TATDN2: variants seen among roughly 807,000 people sequenced by gnomAD.
The protein encoded by TATDN2 is 3'-5' RNA nuclease TATDN2.
In TATDN2, 44 loss-of-function variants were observed where a neutral mutation model predicts 60.3. The observed-to-expected ratio is 0.73, with a 90% CI of 0.57 to 0.94. The LOEUF (loss-of-function observed/expected upper bound fraction) is 0.94. Ranked by LOEUF, TATDN2 falls within the 40% of genes least tolerant of loss-of-function variation. The pLI is 0.00. For synonymous variants in TATDN2, 399 were observed against 355.8 expected (o/e 1.12, Z -1.37); for missense variants, 997 against 948.0 (o/e 1.05, Z -0.68).
intron 3 of TATDN2, among the ~76,000 whole-genome samples, chr3:10,263,628 C>T (rs1022312747): frequency 2.0e-5 from 3 of 152,052 alleles, no homozygotes; most frequent in African/African-American, 7.2e-5. Flanking sequence ...TTAATAACAT[C>T]TCTGTTCTTG....
Position 10,278,531 on chromosome 3 carries a change from C to A in TATDN2, c.2145+69C>A, listed in dbSNP as rs1046178028. The stretch of plus-strand genomic sequence containing the variant: ...GTGGGGAGGTGGGTGGTCACCCTTA[C>A]AAGGTTGGCAGGGCCAGAGCCCCAG... On this transcript the variant is annotated intron_variant, in intron 6 of 7. Transcript: ENST00000448281. The surrounding 1 kb of genome is among the most constrained non-coding windows in gnomAD (Gnocchi z 4.7). 1 of 1,592,166 alleles carries A rather than the reference C, an allele frequency of 6.3e-7. No individual in the cohort carries two copies. The highest frequency in any genetic ancestry group is 1.1e-5 in the South Asian group (1 of 89,638).
rs1698714067 is a variant in TATDN2, at chr3:10,280,294, C to T, written c.*1112C>T. On this transcript the variant is annotated 3_prime_UTR_variant, in exon 8 of 8. Coordinates refer to ENST00000448281, the MANE Select transcript of TATDN2 (RefSeq NM_014760.4). ...TGGCTTTGCCTCTCCTGTGTCCTGT[C>T]TTTCTGCGTTTTAGAAGTGAGAGCC... The T allele has an allele frequency of 6.5e-6, 1 of 153,868 alleles. No homozygotes were observed. The highest frequency in any genetic ancestry group is 1.5e-5 in the Non-Finnish European group (1 of 68,116). 9.5% of individuals were successfully genotyped at this position (153,868 alleles called of 1,614,324 possible). A position where few individuals can be genotyped will look rare whatever the true frequency, so the allele number is the denominator to read the frequency against.
In TATDN2 at chr3:10,249,511, G is replaced by T; in HGVS notation, c.311G>T (p.Arg104Leu). The part of the protein sequence containing the change: ...GGAASKGCLI[R>L]NTRGFLSSGG... ...GCCGCCTCCAAAGGCTGCCTGATTC[G>T]GAACACTCGGGGGTTCCTGTCTTCA... The change falls in exon 2 of 8, where the codon CGG (arginine) becomes CTG (leucine). Residue 104 changes from arginine to leucine, a missense_variant. By Grantham distance (102) the Arg-to-Leu change is moderately radical (BLOSUM62 -2). Coordinates refer to ENST00000448281, the MANE Select transcript of TATDN2 (RefSeq NM_014760.4). 6.2e-7 allele frequency: 1 copy of T among 1,609,218 alleles called. No homozygotes were observed. Among genetic ancestry groups the T allele is most frequent in the East Asian group, 2.2e-5 (1 of 44,854 alleles).
intron 3 of TATDN2, among the ~76,000 whole-genome samples, chr3:10,261,223 G>A (rs987497463): frequency 1.3e-5 from 2 of 152,224 alleles, no homozygotes; most frequent in African/African-American, 4.8e-5. Context: ...ACACCTGGCT[G>A]CAAGGGAGTC....
Position 10,271,004 on chromosome 3 carries a change from GA to G in TATDN2, c.1824del (p.Glu608AspfsTer16), listed in dbSNP as rs1254352228. On this transcript the variant is annotated frameshift_variant, in exon 4 of 8. Transcript: ENST00000448281. LOFTEE classifies it high-confidence loss of function. ...YSYKCTTPVP[E>X]QHKVFERQLQ... is the part of the protein sequence containing the mutation. ...TTACAAGTGCACCACGCCTGTCCCA[GA>G]ACAGCACAAGGTAACAAGGCTCTCT... 6.3e-7 allele frequency: 1 copy of G among 1,577,958 alleles called. No homozygotes were observed. Among genetic ancestry groups the G allele is most frequent in the East Asian group, 2.2e-5 (1 of 44,606 alleles).
At chr3:10,274,351 T>C (rs1316922119) in intron 4 of TATDN2, among the ~76,000 whole-genome samples, 1 of 152,148 alleles carries the variant, frequency 6.6e-6, no homozygotes, top group Non-Finnish European at 1.5e-5. Flanking sequence ...TTGTCTTCCA[T>C]GCACCTGTCG....
chr3:10,276,166 AGGTTATGATAGACGTGCAGTGCTTTGGGC>A (rs1698634072), intron 4 of TATDN2, among the ~76,000 whole-genome samples, 166 bp from the exon 5 acceptor site: 1 of 152,254 alleles, frequency 6.6e-6, no homozygotes, highest in Non-Finnish European at 1.5e-5. Context: ...TGAGGACTGC[AGGTTATGATAGACGTGCAGTGCTTTGGGC>A]ACTACCTGGC....
rs1409296890 is a variant in TATDN2 at position 10,248,752 on chromosome 3, G to C, written c.-322G>C. On this transcript the variant is annotated 5_prime_UTR_variant, in exon 1 of 8. Transcript: ENST00000448281. ...GGTCTGGCCCTGGCCTACGGGCTAAGCGCCCGGCCCCGGGGCCGCGGATCC... is the reference window on the plus strand; with the variant it reads ...GGTCTGGCCCTGGCCTACGGGCTAACCGCCCGGCCCCGGGGCCGCGGATCC... 6.5e-6 allele frequency: 1 copy of C among 152,678 alleles called. No individual in the cohort carries two copies. Among genetic ancestry groups the C allele is most frequent in the Non-Finnish European group, 1.5e-5 (1 of 68,428 alleles). The allele number at this position is 152,678 out of a possible 1,614,324, so 9.5% of individuals were successfully genotyped here.
chr3:10,270,461 G>A lies in TATDN2; in HGVS notation c.1279G>A (p.Val427Ile). The change falls in exon 4 of 8, where the codon GTC becomes ATC. Residue 427 changes from valine (V) to isoleucine (I), a missense_variant. Coordinates refer to ENST00000448281, the MANE Select transcript of TATDN2 (RefSeq NM_014760.4). ...TTATTCCCCCAACTCTACAGGGAGT[G>A]TCCAAAACACCTCCAGAGACATGGA... ...SDYSPNSTGS[V>I]QNTSRDMEAS... 3 of 1,614,206 alleles carry A rather than the reference G, an allele frequency of 1.9e-6. No homozygotes were observed. Among genetic ancestry groups the A allele is most frequent in the Non-Finnish European group, 2.5e-6 (3 of 1,180,042 alleles).
At chr3:10,276,664 C>T (rs535215715) in intron 5 of TATDN2, among the ~76,000 whole-genome samples, 176 bp downstream of exon 5, 1 of 152,144 alleles carries the variant, frequency 6.6e-6, no homozygotes, top group East Asian at 1.9e-4. Context: ...TTTCAGCTCA[C>T]TGCAACCTCT....
intron 2 of TATDN2, among the ~76,000 whole-genome samples, chr3:10,257,584 G>A (rs1182471913): frequency 2.4e-5 from 3 of 123,510 alleles, no homozygotes; most frequent in African/African-American, 9.4e-5. Flanking sequence ...AGCTGAGATC[G>A]CACCACTGTC....
rs758489403 is a variant in TATDN2, at chr3:10,270,256, G to C, written c.1074G>C (p.Pro358=). The C allele has an allele frequency of 6.2e-7, 1 of 1,614,078 alleles. No individual in the cohort carries two copies. Among genetic ancestry groups the C allele is most frequent in the African/African-American group, 1.3e-5 (1 of 74,994 alleles). Reference sequence around the variant, plus strand: ...TCTCCCTGAAACCTTCAGCCGTTCCGGAGCCTTCTTCCTTCACCACCGACT... The same window carrying C: ...TCTCCCTGAAACCTTCAGCCGTTCCCGAGCCTTCTTCCTTCACCACCGACT... The part of the protein sequence containing the change: ...EPVSLKPSAV[P]EPSSFTTDYV... Residue 358 remains proline (P), a synonymous_variant, in exon 4 of 8, where the codon CCG becomes CCC. Coordinates refer to ENST00000448281, the MANE Select transcript of TATDN2 (RefSeq NM_014760.4).
At chr3:10,271,079 A>C (rs1056518877) in intron 4 of TATDN2, 64 bp downstream of exon 4, 16 of 1,491,292 alleles carry the variant, frequency 1.1e-5, no homozygotes, top group African/African-American at 2.8e-5. Flanking sequence ...GAAGCCTGAC[A>C]ATAAGGGTTT....
intron 5 of TATDN2, 37 bp downstream of exon 5, chr3:10,276,525 AAC>A: frequency 6.2e-7 from 1 of 1,603,986 alleles, no homozygotes; most frequent in Non-Finnish European, 8.5e-7. Flanking sequence ...AAATGAAAGA[AAC>A]ACTTCCTCTG....
At chr3:10,261,443 T>C (rs1698401746) in intron 3 of TATDN2, among the ~76,000 whole-genome samples, 1 of 151,636 alleles carries the variant, frequency 6.6e-6, no homozygotes, top group Non-Finnish European at 1.5e-5. Flanking sequence ...CAATCTTGGC[T>C]CACTGCAACC....
At chr3:10,263,216 T>C (rs1026335584) in intron 3 of TATDN2, among the ~76,000 whole-genome samples, 11 of 152,032 alleles carry the variant, frequency 7.2e-5, no homozygotes, top group East Asian at 1.9e-4. Context: ...TTTTTTTTTT[T>C]CCCTCTGTGG....
chr3:10,275,971 TA>T (rs1048176100), intron 4 of TATDN2, among the ~76,000 whole-genome samples: 8 of 152,092 alleles, frequency 5.3e-5, no homozygotes, highest in African/African-American at 1.9e-4. Context: ...TGAGGGACAT[TA>T]ACTTTGCGCT....
At position 10,281,104 on chromosome 3, in the gene TATDN2, TG is replaced by T. The variant is rs1454963835; in HGVS notation, c.*1923del. ...CGTGAAAGCTGATTGGCATTGTTTTTGATTCAGCTTTTTGGATGGCTAATTG... is the reference window on the plus strand; with the variant it reads ...CGTGAAAGCTGATTGGCATTGTTTTTATTCAGCTTTTTGGATGGCTAATTG... On this transcript the variant is annotated 3_prime_UTR_variant, in exon 8 of 8. Coordinates refer to ENST00000448281, the MANE Select transcript of TATDN2 (RefSeq NM_014760.4). 2 of 152,252 alleles carry T rather than the reference TG, an allele frequency of 1.3e-5. No homozygotes were observed. The highest frequency in any genetic ancestry group is 4.8e-5 in the African/African-American group (2 of 41,464). The allele number at this position is 152,252 out of a possible 1,614,324, so 9.4% of individuals were successfully genotyped here.
chr3:10,250,071 C>A (rs544440291), intron 2 of TATDN2, among the ~76,000 whole-genome samples: 1 of 151,926 alleles, frequency 6.6e-6, no homozygotes, highest in African/African-American at 2.4e-5. Flanking sequence ...GTACTTTGAA[C>A]CACTCTGAAT....
Sources: allele counts gnomAD v4.1 joint callset (sites outside exome capture counted in the v4.1 genomes callset), GRCh38; gene constraint gnomAD v4.1.1; non-coding constraint Gnocchi (gnomAD v3.1); transcripts MANE v1.5; gene names NCBI Gene and HGNC (gene_info 2026-07-23, HGNC 2026-07-21).